Variants in TMEM132D observed in about 807,000 individuals in gnomAD.
TMEM132D encodes transmembrane protein 132D, also known as mature OL transmembrane protein.
TMEM132D carries 21 observed loss-of-function variants against 62.3 expected under a neutral mutation model. That is an observed-to-expected ratio of 0.34 (90% confidence interval 0.24 to 0.49). The LOEUF (loss-of-function observed/expected upper bound fraction) is 0.49. TMEM132D is among the 20% of genes least tolerant of loss of function. The probability of loss-of-function intolerance (pLI) is 0.99; values close to 1 mark genes in which losing one functional copy is unlikely to be tolerated. For missense variants in TMEM132D, 1,346 were observed against 1,402.8 expected, an observed-to-expected ratio of 0.96 and a Z score of 0.65; for synonymous variants, 621 against 575.6, an observed-to-expected ratio of 1.08 and a Z score of -1.13.
chr12:129,539,305 C>G (rs1200753843), intron 2 of TMEM132D, among the ~76,000 whole-genome samples: 1 of 151,288 alleles, frequency 6.6e-6, no homozygotes, highest in Admixed American at 6.6e-5. Flanking sequence ...GACCTCGGCT[C>G]ACTGCAACCT....
intron 3 of TMEM132D, among the ~76,000 whole-genome samples, chr12:129,366,292 G>A (rs1038091462): frequency 1.3e-5 from 2 of 152,078 alleles, no homozygotes; most frequent in Admixed American, 6.5e-5. Flanking sequence ...TGGATCATAG[G>A]GGTGGATTTC....
chr12:129,747,572 A>G (rs1310786360), intron 1 of TMEM132D, among the ~76,000 whole-genome samples: 11 of 150,392 alleles, frequency 7.3e-5, no homozygotes, highest in Admixed American at 5.3e-4. Context: ...ACTTTCAGAC[A>G]CACACACACA....
At chr12:129,101,000 AAG>A (rs1875287782) in intron 5 of TMEM132D, among the ~76,000 whole-genome samples, 1 of 152,012 alleles carries the variant, frequency 6.6e-6, no homozygotes, top group South Asian at 2.1e-4. Flanking sequence ...GCAGGGATCG[AAG>A]CTCTGTGGCA....
chr12:129,680,752 A>T (rs264509), intron 2 of TMEM132D, among the ~76,000 whole-genome samples: 1 of 152,002 alleles, frequency 6.6e-6, no homozygotes, highest in East Asian at 1.9e-4. Context: ...GGATGGTGAC[A>T]CAGCCCAAGT....
At chr12:129,776,084 T>C (rs1870912565) in intron 1 of TMEM132D, among the ~76,000 whole-genome samples, 1 of 152,176 alleles carries the variant, frequency 6.6e-6, no homozygotes, top group African/African-American at 2.4e-5. Flanking sequence ...TTCAACCGAA[T>C]AATTCCAGGA....
chr12:129,519,695 G>A (rs532525821), intron 3 of TMEM132D, among the ~76,000 whole-genome samples: 7 of 150,918 alleles, frequency 4.6e-5, no homozygotes, highest in African/African-American at 1.7e-4. Context: ...TGCAACCTCC[G>A]CCTCCTGGGT....
chr12:129,341,410 C>T (rs967843775), intron 3 of TMEM132D, among the ~76,000 whole-genome samples: 1 of 152,114 alleles, frequency 6.6e-6, no homozygotes, highest in Non-Finnish European at 1.5e-5. Flanking sequence ...CCTGGAGGAA[C>T]TTTACAAATA....
intron 4 of TMEM132D, among the ~76,000 whole-genome samples, chr12:129,224,480 TACGGA>T (rs1879429279): frequency 4.6e-5 from 7 of 152,366 alleles, no homozygotes; most frequent in Middle Eastern, 3.4e-3. Context: ...CACCAGCAAG[TACGGA>T]CTCCACTGTA....
At chr12:129,600,884 C>T (rs1257928934) in intron 2 of TMEM132D, among the ~76,000 whole-genome samples, 1 of 152,106 alleles carries the variant, frequency 6.6e-6, no homozygotes. Context: ...ATTAAGGGCC[C>T]TAGGAATTTC....
chr12:129,864,344 C>T (rs760564731), intron 1 of TMEM132D, among the ~76,000 whole-genome samples: 3 of 152,214 alleles, frequency 2.0e-5, no homozygotes, highest in East Asian at 1.9e-4. Flanking sequence ...CACAGGGCTG[C>T]GTCTGAATTT....
chr12:129,632,503 A>G (rs1879374946), intron 2 of TMEM132D, among the ~76,000 whole-genome samples: 1 of 152,128 alleles, frequency 6.6e-6, no homozygotes. Flanking sequence ...AAGACCCATT[A>G]TAAAATGGAT....
At chr12:129,076,773 A>T (rs550533668) in intron 8 of TMEM132D, among the ~76,000 whole-genome samples, 1 of 152,320 alleles carries the variant, frequency 6.6e-6, no homozygotes, top group African/African-American at 2.4e-5. Context: ...CCATGGAGCA[A>T]ATCTCAGGGT....
At chr12:129,707,825 C>T (rs570305051) in intron 1 of TMEM132D, among the ~76,000 whole-genome samples, 4 of 152,222 alleles carry the variant, frequency 2.6e-5, no homozygotes, top group Admixed American at 1.3e-4. Context: ...AGAGCCAGAT[C>T]GCTATCCTCA....
intron 1 of TMEM132D, among the ~76,000 whole-genome samples, chr12:129,886,256 T>C (rs1287459213): frequency 6.6e-6 from 1 of 152,218 alleles, no homozygotes; most frequent in East Asian, 1.9e-4. Context: ...ACTGTCTAAT[T>C]GTACTTTTGC....
chr12:129,566,232 T>G (rs1877362477), intron 2 of TMEM132D, among the ~76,000 whole-genome samples: 1 of 152,206 alleles, frequency 6.6e-6, no homozygotes, highest in Non-Finnish European at 1.5e-5. Flanking sequence ...CTGGCAATAT[T>G]TGTTACCAAT....
chr12:129,115,130 T>C (rs1875856142), intron 5 of TMEM132D, among the ~76,000 whole-genome samples: 1 of 152,206 alleles, frequency 6.6e-6, no homozygotes, highest in African/African-American at 2.4e-5. Context: ...GAGCATTCTT[T>C]TAAAACATGA....
At chr12:129,255,682 C>T (rs905580484) in intron 4 of TMEM132D, among the ~76,000 whole-genome samples, 5 of 152,150 alleles carry the variant, frequency 3.3e-5, no homozygotes, top group Non-Finnish European at 2.9e-5. Flanking sequence ...CCTCACTCCA[C>T]CCCCAAACCC....
intron 3 of TMEM132D, among the ~76,000 whole-genome samples, chr12:129,422,856 C>A (rs1872369649): frequency 7.0e-6 from 1 of 143,470 alleles, no homozygotes; most frequent in African/African-American, 2.5e-5. Flanking sequence ...TTCAATCTTT[C>A]TCTATACATA....
At chr12:129,283,129 TC>T (rs1462908704) in intron 4 of TMEM132D, among the ~76,000 whole-genome samples, 33 of 152,308 alleles carry the variant, frequency 2.2e-4, no homozygotes, top group Admixed American at 2.2e-3. Flanking sequence ...ATTCAATTTT[TC>T]ATTTGGGCAT....
Sources: gnomAD v4.1 joint callset for allele counts (sites outside exome capture counted in the v4.1 genomes callset) on GRCh38, gnomAD v4.1.1 for gene constraint, MANE v1.5 for transcripts, NCBI Gene and HGNC (gene_info 2026-07-23, HGNC 2026-07-21) for gene names.